Variants in CNTN4 observed in about 807,000 individuals in gnomAD.
CNTN4 encodes contactin 4.
In CNTN4, 77 loss-of-function variants were observed where a neutral mutation model predicts 122.5. The ratio of observed to expected loss-of-function variants is 0.63; its 90% CI spans 0.52 to 0.76. The LOEUF (loss-of-function observed/expected upper bound fraction) is 0.76. Among genes scored for constraint, CNTN4 ranks in the 30% least tolerant of loss-of-function variants. The pLI, the probability that CNTN4 is intolerant of heterozygous loss-of-function variation, is 0.00. For synonymous variants in CNTN4, 512 were observed against 447.0 expected (o/e 1.15, Z -1.83); for missense variants, 1,256 against 1,259.1 (o/e 1.00, Z 0.04).
At chr3:2,241,381 A>G (rs2039931815) in intron 2 of CNTN4, among the ~76,000 whole-genome samples, 1 of 152,106 alleles carries the variant, frequency 6.6e-6, no homozygotes, top group Admixed American at 6.6e-5. Flanking sequence ...CCGCTTTTCT[A>G]ATCATCAACT....
chr3:2,140,075 C>T (rs1264911626), intron 2 of CNTN4, among the ~76,000 whole-genome samples: 1 of 152,144 alleles, frequency 6.6e-6, no homozygotes, highest in Non-Finnish European at 1.5e-5. Flanking sequence ...TGCACAAGCC[C>T]TCTTGCCTGC....
intron 17 of CNTN4, among the ~76,000 whole-genome samples, chr3:3,036,508 AT>A (rs1327659816): frequency 6.6e-6 from 1 of 152,280 alleles, no homozygotes; most frequent in East Asian, 1.9e-4. Flanking sequence ...CACAACTGTC[AT>A]CCCAGCACTT....
intron 3 of CNTN4, among the ~76,000 whole-genome samples, chr3:2,546,302 A>G (rs1016129508): frequency 6.6e-6 from 1 of 150,780 alleles, no homozygotes; most frequent in African/African-American, 2.4e-5. Context: ...TGGTACATAT[A>G]TACAATAGAA....
chr3:2,680,184 TG>T (rs1344269319), intron 4 of CNTN4, among the ~76,000 whole-genome samples: 1 of 152,144 alleles, frequency 6.6e-6, no homozygotes, highest in Non-Finnish European at 1.5e-5. Flanking sequence ...GACTATAATA[TG>T]TGGTGTAATA....
At chr3:3,039,869 T>TTAA in intron 19 of CNTN4, 168 bp from the exon 20 acceptor site, 1 of 663,092 alleles carries the variant, frequency 1.5e-6, no homozygotes, top group Non-Finnish European at 2.8e-6. Flanking sequence ...TCATAACTGT[T>TTAA]TAAGATAGAC....
intron 3 of CNTN4, among the ~76,000 whole-genome samples, chr3:2,428,947 C>T (rs964133366): frequency 3.3e-5 from 5 of 152,154 alleles, no homozygotes; most frequent in African/African-American, 4.8e-5. Context: ...GACTTCTCTG[C>T]GCTGTTGATT....
At chr3:2,562,625 A>G (rs2079004353) in intron 3 of CNTN4, among the ~76,000 whole-genome samples, 1 of 151,686 alleles carries the variant, frequency 6.6e-6, no homozygotes, top group South Asian at 2.1e-4. Flanking sequence ...TTAATCCACC[A>G]TCGATGGGCA....
intron 9 of CNTN4, among the ~76,000 whole-genome samples, chr3:2,886,720 G>C (rs1218501341): frequency 6.6e-6 from 1 of 151,140 alleles, no homozygotes; most frequent in African/African-American, 2.4e-5. Context: ...CACCATGTTG[G>C]CCAGGCTGGT....
chr3:2,269,575 A>C (rs1470270234), intron 2 of CNTN4, among the ~76,000 whole-genome samples: 3 of 152,098 alleles, frequency 2.0e-5, no homozygotes, highest in African/African-American at 7.2e-5. Context: ...TCACCTTTTC[A>C]AGTTGCTTTA....
intron 2 of CNTN4, among the ~76,000 whole-genome samples, chr3:2,128,009 C>A (rs185179750): frequency 6.6e-6 from 1 of 152,198 alleles, no homozygotes; most frequent in Non-Finnish European, 1.5e-5. Flanking sequence ...TATTTCCACA[C>A]CCTAATTTAT....
At chr3:2,885,857 G>C (rs1043485087) in intron 9 of CNTN4, among the ~76,000 whole-genome samples, 2 of 152,138 alleles carry the variant, frequency 1.3e-5, no homozygotes, top group African/African-American at 4.8e-5. Flanking sequence ...CTGGTATTTT[G>C]TTGGGGACGT....
At chr3:3,043,886 G>A (rs528430556) in intron 23 of CNTN4, among the ~76,000 whole-genome samples, 182 bp downstream of exon 23, 17 of 152,096 alleles carry the variant, frequency 1.1e-4, no homozygotes, top group Admixed American at 3.9e-4. Flanking sequence ...CAATTGGTCA[G>A]GATTTAGACA....
intron 6 of CNTN4, among the ~76,000 whole-genome samples, chr3:2,779,132 C>T (rs2091464612): frequency 1.3e-5 from 2 of 152,212 alleles, no homozygotes; most frequent in South Asian, 4.2e-4. Flanking sequence ...TGATTTTTAT[C>T]TGGTGGGGGG....
rs548832196 is a variant in CNTN4 at position 2,162,379 on chromosome 3, G to T, written c.-145+61740G>T. On this transcript the variant is annotated intron_variant, in intron 2 of 24. Transcript: ENST00000418658. ...AATCCTGTTATTGCCAAGAAATTTG[G>T]GGGTAAGACCATGGTGGCAATTTAA... Among the ~76,000 whole-genome samples, 5 of 152,282 alleles carry T rather than the reference G, an allele frequency of 3.3e-5. No individual in the cohort carries two copies. The East Asian group carries it at 9.7e-4, about 29-fold the overall frequency.
Position 2,589,409 on chromosome 3 carries a change from T to C in CNTN4, c.55+17851T>C, listed in dbSNP as rs547607925. Among the ~76,000 whole-genome samples, 6 of 152,330 alleles carry C rather than the reference T, an allele frequency of 3.9e-5. No individual in the cohort carries two copies. The South Asian group carries it at 1.2e-3, about 32-fold the overall frequency. On this transcript the variant is annotated intron_variant, in intron 4 of 24. Coordinates refer to ENST00000418658, the MANE Select transcript of CNTN4 (RefSeq NM_175607.3). The stretch of plus-strand genomic sequence containing the variant: ...GCAATCTTGTTTCTGTTTTTAGCCA[T>C]CCATTGCTATTACCATAATAAGCCC...
At chr3:2,681,168 A>T (rs1208873497) in intron 4 of CNTN4, among the ~76,000 whole-genome samples, 1 of 152,228 alleles carries the variant, frequency 6.6e-6, no homozygotes, top group Non-Finnish European at 1.5e-5. Flanking sequence ...AACCTGGCTG[A>T]GAAGACAATA....
intron 14 of CNTN4, among the ~76,000 whole-genome samples, chr3:2,996,971 G>A (rs1165193539): frequency 6.6e-6 from 1 of 152,104 alleles, no homozygotes; most frequent in African/African-American, 2.4e-5. Context: ...TTTTTCTCGT[G>A]CATATCTTTT....
intron 12 of CNTN4, among the ~76,000 whole-genome samples, chr3:2,912,525 C>G (rs944157587): frequency 6.6e-6 from 1 of 151,972 alleles, no homozygotes. Context: ...AACATACAGA[C>G]AAATATAAAA....
intron 6 of CNTN4, among the ~76,000 whole-genome samples, chr3:2,809,423 C>T (rs561442439): frequency 8.5e-5 from 13 of 152,206 alleles, no homozygotes; most frequent in South Asian, 2.1e-4. Context: ...GTGGCCATTA[C>T]GGTATAACTA....
Sources: gnomAD v4.1 joint callset for allele counts (sites outside exome capture counted in the v4.1 genomes callset) on GRCh38, gnomAD v4.1.1 for gene constraint, MANE v1.5 for transcripts, NCBI Gene and HGNC (gene_info 2026-07-23, HGNC 2026-07-21) for gene names.